The following TANC2 variants were observed in gnomAD, a reference collection of about 807,000 sequenced individuals.
The protein encoded by TANC2 is tetratricopeptide repeat, ankyrin repeat and coiled-coil containing 2.
Under a neutral mutation model 210.5 loss-of-function variants are expected in TANC2, and 26 were observed. The ratio of observed to expected loss-of-function variants is 0.12; its 90% CI spans 0.09 to 0.17. The LOEUF (loss-of-function observed/expected upper bound fraction) is 0.17, where lower values mean the gene tolerates loss of function less well. TANC2 is among the 10% of genes least tolerant of loss of function. TANC2 has a pLI of 1.00. For missense variants in TANC2, 2,129 were observed against 2,608.9 expected, an observed-to-expected ratio of 0.82 and a Z score of 4.01; for synonymous variants, 931 against 967.1, an observed-to-expected ratio of 0.96 and a Z score of 0.69.
At chr17:63,374,278 C>T (rs189444847) in intron 14 of TANC2, among the ~76,000 whole-genome samples, 13 of 152,100 alleles carry the variant, frequency 8.5e-5, no homozygotes, top group Admixed American at 1.3e-4. Flanking sequence ...ACTCGAGCGA[C>T]CCTCCCACCT....
intron 6 of TANC2, among the ~76,000 whole-genome samples, chr17:63,197,151 GA>G (rs1475074989): frequency 6.6e-6 from 1 of 152,090 alleles, no homozygotes; most frequent in Non-Finnish European, 1.5e-5. Context: ...TGATTTGGGG[GA>G]AATTACATCA....
chr17:63,099,212 A>G (rs1359669181), exon 4 of TANC2: 8 of 1,605,032 alleles, frequency 5.0e-6, no homozygotes, highest in African/African-American at 1.3e-5. Context: ...CTTTTGAGCC[A>G]GACTACGCTG....
chr17:63,185,324 C>A (rs1259622534), intron 5 of TANC2, among the ~76,000 whole-genome samples: 1 of 150,154 alleles, frequency 6.7e-6, no homozygotes, highest in Non-Finnish European at 1.5e-5. Flanking sequence ...AACTTCTGAC[C>A]TAAAGTGATC....
intron 9 of TANC2, among the ~76,000 whole-genome samples, chr17:63,279,458 C>G (rs2043994727): frequency 6.6e-6 from 1 of 151,692 alleles, no homozygotes; most frequent in Non-Finnish European, 1.5e-5. Flanking sequence ...TATAACCTAC[C>G]CTGATATAAT....
chr17:63,203,242 G>A (rs1487531955), intron 7 of TANC2, among the ~76,000 whole-genome samples: 2 of 151,992 alleles, frequency 1.3e-5, no homozygotes, highest in Non-Finnish European at 2.9e-5. Flanking sequence ...TCTTAAAACC[G>A]TAAGTTTTTT....
chr17:63,321,422 T>C (rs1490824084), intron 11 of TANC2, among the ~76,000 whole-genome samples: 1 of 152,202 alleles, frequency 6.6e-6, no homozygotes, highest in South Asian at 2.1e-4. Flanking sequence ...AGCATCCTGT[T>C]CTTGTTTTAT....
intron 3 of TANC2, among the ~76,000 whole-genome samples, chr17:63,098,457 C>G (rs2037475787): frequency 9.2e-6 from 1 of 109,150 alleles, no homozygotes; most frequent in Non-Finnish European, 1.7e-5. Context: ...CACACACACA[C>G]ACACACACAC....
At chr17:63,192,006 T>G in intron 5 of TANC2, among the ~76,000 whole-genome samples, 1 of 152,162 alleles carries the variant, frequency 6.6e-6, no homozygotes, top group Non-Finnish European at 1.5e-5. Flanking sequence ...TCCCTGTCTG[T>G]TATTTGAGAA....
exon 8 of TANC2, chr17:63,237,899 A>G (rs1368453607): frequency 6.4e-7 from 1 of 1,572,930 alleles, no homozygotes; most frequent in South Asian, 1.2e-5. Context: ...GAGGAAACAT[A>G]AAACCTTGGC....
intron 24 of TANC2, chr17:63,413,066 T>G (rs530899433): frequency 3.9e-6 from 1 of 258,440 alleles, no homozygotes; most frequent in East Asian, 8.0e-5. Flanking sequence ...TTGGTACTTA[T>G]CATTTAAGGG....
chr17:63,171,614 C>A (rs1035231043), intron 5 of TANC2, among the ~76,000 whole-genome samples: 10 of 152,128 alleles, frequency 6.6e-5, no homozygotes, highest in Non-Finnish European at 1.2e-4. Flanking sequence ...CTTTAAAATA[C>A]AGTCTAGATT....
chr17:63,106,832 T>A (rs2037844198), intron 4 of TANC2, among the ~76,000 whole-genome samples: 1 of 151,762 alleles, frequency 6.6e-6, no homozygotes, highest in South Asian at 2.1e-4. Flanking sequence ...CTTTTCATAT[T>A]TGAATGGAAG....
intron 14 of TANC2, among the ~76,000 whole-genome samples, chr17:63,358,409 G>GTGTA (rs2046852667): frequency 6.6e-6 from 1 of 151,212 alleles, no homozygotes; most frequent in Non-Finnish European, 1.5e-5. Flanking sequence ...GTGTGTGTGT[G>GTGTA]TGTATGTGTG....
intron 8 of TANC2, among the ~76,000 whole-genome samples, chr17:63,250,915 A>G (rs1368800706): frequency 6.6e-6 from 1 of 152,172 alleles, no homozygotes; most frequent in African/African-American, 2.4e-5. Flanking sequence ...AGATAATAGA[A>G]ACGTTGTTGA....
chr17:63,242,132 G>A (rs1208011715), intron 8 of TANC2, among the ~76,000 whole-genome samples: 1 of 152,046 alleles, frequency 6.6e-6, no homozygotes, highest in African/African-American at 2.4e-5. Context: ...TGAAAAGAAT[G>A]TAGAATTACT....
intron 9 of TANC2, among the ~76,000 whole-genome samples, chr17:63,286,720 A>C (rs542874081): frequency 6.6e-6 from 1 of 152,326 alleles, no homozygotes; most frequent in East Asian, 1.9e-4. Context: ...CAGAGACTGC[A>C]ATTACAACTA....
At chr17:63,242,720 T>C (rs2042809309) in intron 8 of TANC2, among the ~76,000 whole-genome samples, 1 of 152,174 alleles carries the variant, frequency 6.6e-6, no homozygotes, top group African/African-American at 2.4e-5. Flanking sequence ...TAGTAGCCAG[T>C]AACTGAGCAT....
chr17:63,409,275 G>GATCCTCCCATCTC (rs1420300779), intron 21 of TANC2, among the ~76,000 whole-genome samples: 1 of 151,882 alleles, frequency 6.6e-6, no homozygotes, highest in Non-Finnish European at 1.5e-5. Flanking sequence ...GGGCTCAAGC[G>GATCCTCCCATCTC]ATCCTCCCAT....
At chr17:63,111,906 A>G (rs1448765885) in intron 4 of TANC2, among the ~76,000 whole-genome samples, 1 of 151,968 alleles carries the variant, frequency 6.6e-6, no homozygotes, top group Non-Finnish European at 1.5e-5. Context: ...TTGTATTTTT[A>G]GTAGAGACGG....
Sources: gnomAD v4.1 joint callset for allele counts (sites outside exome capture counted in the v4.1 genomes callset) on GRCh38, gnomAD v4.1.1 for gene constraint, MANE v1.5 for transcripts, NCBI Gene and HGNC (gene_info 2026-07-23, HGNC 2026-07-21) for gene names.